RAB40C: variants seen among roughly 807,000 people sequenced by gnomAD.
RAB40C encodes the protein ras-related protein Rab-40C.
Under a neutral mutation model 28.1 loss-of-function variants are expected in RAB40C, and 8 were observed. The ratio of observed to expected loss-of-function variants is 0.28; its 90% CI spans 0.17 to 0.51. RAB40C has a LOEUF of 0.51. Ranked by LOEUF, RAB40C falls within the 20% of genes least tolerant of loss-of-function variation. The probability of loss-of-function intolerance (pLI) is 0.97; values close to 1 mark genes in which losing one functional copy is unlikely to be tolerated. For missense variants in RAB40C, 288 were observed against 405.9 expected (o/e 0.71, Z 2.50); for synonymous variants, 201 against 171.7 (o/e 1.17, Z -1.34).
At chr16:589,451 G>A (rs2035942615), upstream of RAB40C, 1 of 152,254 alleles carries the variant, frequency 6.6e-6, no homozygotes, top group African/African-American at 2.4e-5. Context: ...CAGCCGCATC[G>A]CCTCGGCTCG....
chr16:619,597 C>G (rs1016299229), intron 3 of RAB40C, among the ~76,000 whole-genome samples: 1 of 152,164 alleles, frequency 6.6e-6, no homozygotes, highest in Non-Finnish European at 1.5e-5. Flanking sequence ...GTCTGTGATG[C>G]CCCTAAGAGT....
chr16:623,995 G>A (rs547090749), intron 3 of RAB40C: 1 of 985,414 alleles, frequency 1.0e-6, no homozygotes, highest in African/African-American at 1.7e-5. Context: ...CACCTGGGTT[G>A]CACATCTCTC....
chr16:615,419 G>A (rs944345102), intron 1 of RAB40C, among the ~76,000 whole-genome samples: 5 of 152,128 alleles, frequency 3.3e-5, no homozygotes, highest in South Asian at 2.1e-4. Flanking sequence ...GGAGGGCGTC[G>A]CTTATGTTTA....
chr16:590,585 G>A (rs933573232), intron 1 of RAB40C, 152 bp downstream of exon 1: 3 of 1,081,576 alleles, frequency 2.8e-6, no homozygotes, highest in Non-Finnish European at 3.7e-6. Context: ...CTCGGTGGCT[G>A]CGGGGTGCCC....
Position 618,563 on chromosome 16 carries a change from T to C in RAB40C, c.264+303T>C, listed in dbSNP as rs530359427. Among the ~76,000 whole-genome samples the C allele has an allele frequency of 3.3e-5, 5 of 152,372 alleles. No homozygotes were observed. The South Asian group carries it at 1.0e-3, about 32-fold the overall frequency. On this transcript the variant is annotated intron_variant, in intron 3 of 5. Transcript: ENST00000248139. ...GTGGGTGTACTTGGAGCTGTGTGTG[T>C]GCACAGGTGTAGTGGGTGCACTCAG...
chr16:624,436 T>C, intron 3 of RAB40C: 1 of 985,498 alleles, frequency 1.0e-6, no homozygotes, highest in Non-Finnish European at 1.2e-6. Context: ...GAGGTGTCCT[T>C]CCTGAGCTGT....
At chr16:597,661 C>T (rs913133433) in intron 1 of RAB40C, among the ~76,000 whole-genome samples, 6 of 151,650 alleles carry the variant, frequency 4.0e-5, no homozygotes, top group African/African-American at 1.2e-4. Context: ...TAATTTTTTA[C>T]ATTTTTAGTA....
chr16:623,406 T>A (rs2036762380), intron 3 of RAB40C, among the ~76,000 whole-genome samples: 1 of 152,044 alleles, frequency 6.6e-6, no homozygotes, highest in African/African-American at 2.4e-5. Context: ...TCCCAGCACT[T>A]TGGGAGGCCG....
chr16:592,990 G>C (rs1032607931), intron 1 of RAB40C, among the ~76,000 whole-genome samples: 1 of 152,224 alleles, frequency 6.6e-6, no homozygotes, highest in African/African-American at 2.4e-5. Context: ...GCTTGGACCA[G>C]AGGCAGAGAG....
At chr16:622,905 G>T (rs2036751214) in intron 3 of RAB40C, among the ~76,000 whole-genome samples, 1 of 152,200 alleles carries the variant, frequency 6.6e-6, no homozygotes, top group South Asian at 2.1e-4. Context: ...CGCAGCTGAG[G>T]GTGCTTAGGG....
intron 3 of RAB40C, 176 bp from the exon 4 acceptor site, chr16:625,256 T>A: frequency 6.9e-7 from 1 of 1,448,316 alleles, no homozygotes. Flanking sequence ...AGGGCAGGGG[T>A]GAGGGGCAGG....
chr16:598,444 C>G (rs1157691689), intron 1 of RAB40C, among the ~76,000 whole-genome samples: 2 of 151,034 alleles, frequency 1.3e-5, no homozygotes, highest in African/African-American at 4.9e-5. Flanking sequence ...ACCTGTAGCC[C>G]CAACTACTTG....
rs139290838 is a variant in RAB40C, at chr16:625,482, C to T, written c.315C>T (p.Ile105=). 3.7e-6 allele frequency: 6 copies of T among 1,613,532 alleles called. No individual in the cohort carries two copies. Among genetic ancestry groups the T allele is most frequent in the South Asian group, 1.1e-5 (1 of 91,078 alleles). Residue 105 remains isoleucine, a synonymous_variant, in exon 4 of 6, where the codon ATC becomes ATT. Coordinates refer to ENST00000248139, the MANE Select transcript of RAB40C (RefSeq NM_021168.5). ...DITNRWSFDG[I]DRWIKEIDEH... ...CCAACCGCTGGTCCTTTGACGGCAT[C>T]GACCGCTGGATCAAGGAGATCGATG...
At chr16:611,445 G>T (rs556889559) in intron 1 of RAB40C, among the ~76,000 whole-genome samples, 4 of 152,236 alleles carry the variant, frequency 2.6e-5, no homozygotes, top group Admixed American at 1.3e-4. Context: ...CCTCATGGGG[G>T]CTTCAACAGC....
At position 599,320 on chromosome 16, in the gene RAB40C, C is replaced by T. The variant is rs56278520; in HGVS notation, c.142+8887C>T. 8.9e-3 allele frequency among the ~76,000 whole-genome samples: 1,360 copies of T among 152,350 alleles called. 11 individuals carry two copies. Among genetic ancestry groups the T allele is most frequent in the African/African-American group, 0.02 (821 of 41,578 alleles). On this transcript the variant is annotated intron_variant, in intron 1 of 5. Transcript: ENST00000248139. ...AGGCAGTGTCAGGCTGATGCCTGCC[C>T]GTGTCGGCCGGCCACAGCCCTAGTG...
At chr16:596,510 A>G (rs1442500211) in intron 1 of RAB40C, 2 of 341,178 alleles carry the variant, frequency 5.9e-6, no homozygotes, top group Non-Finnish European at 1.2e-5. Flanking sequence ...CCAGGGTGTC[A>G]TCCGCCGGGC....
chr16:611,357 C>T (rs1049186091), intron 1 of RAB40C, among the ~76,000 whole-genome samples: 2 of 152,194 alleles, frequency 1.3e-5, no homozygotes, highest in Non-Finnish European at 2.9e-5. Flanking sequence ...CACATTGGCA[C>T]GTCGAGGTGA....
At chr16:600,667 C>T (rs1180133655) in intron 1 of RAB40C, among the ~76,000 whole-genome samples, 1 of 152,212 alleles carries the variant, frequency 6.6e-6, no homozygotes, top group African/African-American at 2.4e-5. Flanking sequence ...AGGAGAATCG[C>T]TTGAACCTGG....
Position 625,063 on chromosome 16 carries a change from T to C in RAB40C, c.265-369T>C, listed in dbSNP as rs562516053. On this transcript the variant is annotated intron_variant, in intron 3 of 5. Coordinates refer to ENST00000248139, the MANE Select transcript of RAB40C (RefSeq NM_021168.5). ...TCTGTCCCAGGTACTCCCGGGGGGA[T>C]TCACTGATGGACTGGCCGAGAGGAC... 26 of 1,294,760 alleles carry C rather than the reference T, an allele frequency of 2.0e-5. No homozygotes were observed. In the South Asian group the frequency reaches 3.1e-4, roughly 15 times the overall value. The allele number at this position is 1,294,760 out of a possible 1,614,324, so 80.2% of individuals were successfully genotyped here.
Sources: gnomAD v4.1 joint callset for allele counts (sites outside exome capture counted in the v4.1 genomes callset) on GRCh38, gnomAD v4.1.1 for gene constraint, MANE v1.5 for transcripts, NCBI Gene and HGNC (gene_info 2026-07-23, HGNC 2026-07-21) for gene names.